ZIK1: variants seen among roughly 807,000 people sequenced by gnomAD.
ZIK1 encodes the protein zinc finger protein interacting with ribonucleoprotein K.
In ZIK1, 12 loss-of-function variants were observed where a neutral mutation model predicts 10.7. The observed-to-expected ratio is 1.12, with a 90% CI of 0.72 to 1.81. ZIK1 has a LOEUF of 1.81. Ranked by LOEUF, ZIK1 falls within the 40% of genes most tolerant of loss-of-function variation. The pLI, the probability that ZIK1 is intolerant of heterozygous loss-of-function variation, is 0.00. For missense variants in ZIK1, 497 were observed against 585.7 expected (o/e 0.85, Z 1.56); for synonymous variants, 190 against 205.0 (o/e 0.93, Z 0.63).
chr19:57,586,769 T>G (rs889338327), intron 2 of ZIK1, among the ~76,000 whole-genome samples: 1 of 152,128 alleles, frequency 6.6e-6, no homozygotes, highest in African/African-American at 2.4e-5. Flanking sequence ...TTCCAGACTT[T>G]CCCATATTTT....
Position 57,590,196 on chromosome 19 carries a change from T to C in ZIK1, c.385T>C (p.Cys129Arg), listed in dbSNP as rs1230213214. Residue 129 changes from cysteine to arginine, a missense_variant, in exon 4 of 4, where the codon TGT becomes CGT. Coordinates refer to ENST00000597850, the MANE Select transcript of ZIK1 (RefSeq NM_001010879.4). ...GCAGAAACCATACTTGGTTGGAGAATGTACAAACCATCACCAGCACCAGAA... is the reference window on the plus strand; with the variant it reads ...GCAGAAACCATACTTGGTTGGAGAACGTACAAACCATCACCAGCACCAGAA... ...PGQKPYLVGE[C>R]TNHHQHQKHH... 1.2e-6 allele frequency: 2 copies of C among 1,614,204 alleles called. No homozygotes were observed. Among genetic ancestry groups the C allele is most frequent in the Non-Finnish European group, 1.7e-6 (2 of 1,180,046 alleles).
Position 57,592,687 on chromosome 19 carries a change from G to T in ZIK1, c.*1412G>T, listed in dbSNP as rs1979801964. ...ATGGTTGCCCTTCCCCAGGCCTGAA[G>T]AGAGAGTGCAGTCAACATGAGATTG... On this transcript the variant is annotated 3_prime_UTR_variant, in exon 4 of 4. Transcript: ENST00000597850. The T allele has an allele frequency of 6.6e-6, 1 of 151,918 alleles. No individual in the cohort carries two copies. Among genetic ancestry groups the T allele is most frequent in the Admixed American group, 6.5e-5 (1 of 15,268 alleles). 9.4% of individuals were successfully genotyped at this position (151,918 alleles called of 1,614,324 possible).
chr19:57,588,514 G>T (rs1273404046), intron 2 of ZIK1, 25 bp from the exon 3 acceptor site: 5 of 1,424,604 alleles, frequency 3.5e-6, no homozygotes, highest in Non-Finnish European at 3.7e-6. Context: ...GTTGATTGTG[G>T]AGTGACCTGT....
At chr19:57,589,799 A>G in intron 3 of ZIK1, 2 of 761,466 alleles carry the variant, frequency 2.6e-6, no homozygotes, top group Non-Finnish European at 1.6e-6. Context: ...CCTGTCCTTC[A>G]TCCCATCCTT....
chr19:57,588,477 T>G, intron 2 of ZIK1, 62 bp from the exon 3 acceptor site: 1 of 1,377,122 alleles, frequency 7.3e-7, no homozygotes, highest in East Asian at 2.7e-5. Flanking sequence ...TGGGGATGAT[T>G]GCGTGGGTGG....
rs1979615980 is a variant in ZIK1, at chr19:57,590,775, C to T, written c.964C>T (p.Pro322Ser). Residue 322 changes from proline (P) to serine (S), a missense_variant, in exon 4 of 4, where the codon CCT (proline) becomes TCT (serine). Coordinates refer to ENST00000597850, the MANE Select transcript of ZIK1 (RefSeq NM_001010879.4). The stretch of plus-strand genomic sequence containing the variant: ...CCAGAAAATACACACTGGAGCAAGG[C>T]CTTATGAGTGTAGCCAGTGTGGGAA... The part of the protein sequence containing the change: ...DHQKIHTGAR[P>S]YECSQCGKSF... The T allele has an allele frequency of 1.9e-6, 3 of 1,614,176 alleles. No homozygotes were observed. Among genetic ancestry groups the T allele is most frequent in the Non-Finnish European group, 2.5e-6 (3 of 1,180,032 alleles).
chr19:57,584,197 G>A lies in ZIK1; in HGVS notation c.-160G>A. Reference sequence around the variant, plus strand: ...GTGCATCCAGACCGTCAGAGCTTTGGGAGCGCTTTGTTTGGCGACAGTCGG... The same window carrying A: ...GTGCATCCAGACCGTCAGAGCTTTGAGAGCGCTTTGTTTGGCGACAGTCGG... On this transcript the variant is annotated 5_prime_UTR_variant, in exon 1 of 4. Coordinates refer to ENST00000597850, the MANE Select transcript of ZIK1 (RefSeq NM_001010879.4). The A allele has an allele frequency of 2.9e-6, 4 of 1,359,776 alleles. No homozygotes were observed. The highest frequency in any genetic ancestry group is 5.3e-5 in the East Asian group (2 of 37,966). The allele number at this position is 1,359,776 out of a possible 1,614,324, so 84.2% of individuals were successfully genotyped here. A position where few individuals can be genotyped will look rare whatever the true frequency, so the allele number is the denominator to read the frequency against.
Position 57,590,793 on chromosome 19 carries a change from T to G in ZIK1, c.982T>G (p.Cys328Gly). ...AGCAAGGCCTTATGAGTGTAGCCAG[T>G]GTGGGAAATCCTTTAGCCAAAAAGC... ...TGARPYECSQCGKSFSQKATL... is the reference protein window; with the variant it reads ...TGARPYECSQGGKSFSQKATL... The change falls in exon 4 of 4, where the codon TGT becomes GGT. Residue 328 changes from cysteine (C) to glycine (G), a missense_variant. Coordinates refer to ENST00000597850, the MANE Select transcript of ZIK1 (RefSeq NM_001010879.4). 4.3e-6 allele frequency: 7 copies of G among 1,614,174 alleles called. No individual in the cohort carries two copies. The South Asian group carries it at 7.7e-5, about 18-fold the overall frequency.
chr19:57,590,252 G>A lies in ZIK1; in HGVS notation c.441G>A (p.Arg147=), dbSNP rs146081922. Residue 147 remains arginine (R), a synonymous_variant, in exon 4 of 4, where the codon AGG becomes AGA. Transcript: ENST00000597850. ...KHHSAKKSLK[R]DMDRASYVKC... ...ACAGTGCAAAGAAATCCTTGAAGAG[G>A]GACATGGACAGAGCCTCATATGTGA... is the stretch of plus-strand genomic sequence containing the variant. 196 of 1,614,178 alleles carry A rather than the reference G, an allele frequency of 1.2e-4. 2 individuals are homozygous for A. The South Asian group carries it at 2.1e-3, about 17-fold the overall frequency.
At position 57,584,974 on chromosome 19, in the gene ZIK1, A is replaced by AG; in HGVS notation, c.56_57insG (p.His19GlnfsTer12). 1.2e-6 allele frequency: 2 copies of AG among 1,613,890 alleles called. No individual in the cohort carries two copies. Among genetic ancestry groups the AG allele is most frequent in the Non-Finnish European group, 1.7e-6 (2 of 1,179,896 alleles). On this transcript the variant is annotated frameshift_variant, in exon 2 of 4. Coordinates refer to ENST00000597850, the MANE Select transcript of ZIK1 (RefSeq NM_001010879.4). LOFTEE classifies it high-confidence loss of function. Reference sequence around the variant, plus strand: ...CAGGTTACTGTGTCTCCAGAAACACATATGGACCTCACAAAGGTGAGTGGA... The same window carrying AG: ...CAGGTTACTGTGTCTCCAGAAACACAGTATGGACCTCACAAAGGTGAGTGGA...
In ZIK1 at chr19:57,584,328, T is replaced by C. The variant is rs1231171637; in HGVS notation, c.-29T>C. On this transcript the variant is annotated 5_prime_UTR_variant, in exon 1 of 4. Coordinates refer to ENST00000597850, the MANE Select transcript of ZIK1 (RefSeq NM_001010879.4). Reference sequence around the variant, plus strand: ...GGTCCCTCCGCCCGTAGCTGTCGGGTCCCGGCCCCGCTCTGCCCACAGACT... The same window carrying C: ...GGTCCCTCCGCCCGTAGCTGTCGGGCCCCGGCCCCGCTCTGCCCACAGACT... 1.9e-6 allele frequency: 3 copies of C among 1,573,780 alleles called. No homozygotes were observed. The highest frequency in any genetic ancestry group is 1.7e-6 in the Non-Finnish European group (2 of 1,160,038).
Position 57,590,195 on chromosome 19 carries a change from A to C in ZIK1, c.384A>C (p.Glu128Asp). ...GGCAGAAACCATACTTGGTTGGAGA[A>C]TGTACAAACCATCACCAGCACCAGA... Reference protein sequence around the residue: ...LPGQKPYLVGECTNHHQHQKH... With the variant: ...LPGQKPYLVGDCTNHHQHQKH... Residue 128 changes from glutamate (E) to aspartate (D), a missense_variant, in exon 4 of 4, where the codon GAA (glutamate) becomes GAC (aspartate). Transcript: ENST00000597850. 1 of 1,614,236 alleles carries C rather than the reference A, an allele frequency of 6.2e-7. No homozygotes were observed. The highest frequency in any genetic ancestry group is 8.5e-7 in the Non-Finnish European group (1 of 1,180,050).
At chr19:57,589,040 G>A (rs1979422802) in intron 3 of ZIK1, among the ~76,000 whole-genome samples, 1 of 151,984 alleles carries the variant, frequency 6.6e-6, no homozygotes, top group Non-Finnish European at 1.5e-5. Flanking sequence ...GGGGACAATG[G>A]GCTCTTCTTA....
Position 57,592,439 on chromosome 19 carries a change from C to T in ZIK1, c.*1164C>T, listed in dbSNP as rs1030110004. 7 of 152,146 alleles carry T rather than the reference C, an allele frequency of 4.6e-5. No individual in the cohort carries two copies. Among genetic ancestry groups the T allele is most frequent in the African/African-American group, 1.7e-4 (7 of 41,420 alleles). The allele number at this position is 152,146 out of a possible 1,614,324, so 9.4% of individuals were successfully genotyped here. On this transcript the variant is annotated 3_prime_UTR_variant, in exon 4 of 4. Transcript: ENST00000597850. ...TATGTCCAATAGCTGAGGTTATTTT[C>T]AGCAAAAATAATTAAAGGGTTTTAT...
chr19:57,590,723 T>C lies in ZIK1; in HGVS notation c.912T>C (p.Phe304=). 1 of 1,614,162 alleles carries C rather than the reference T, an allele frequency of 6.2e-7. No homozygotes were observed. Among genetic ancestry groups the C allele is most frequent in the Non-Finnish European group, 8.5e-7 (1 of 1,180,024 alleles). The part of the protein sequence containing the change: ...PYECSECGKL[F]RQNSSLVDHQ... ...AGTGCAGCGAATGTGGAAAATTATTTAGACAAAACTCCAGCCTTGTTGACC... is the reference window on the plus strand; with the variant it reads ...AGTGCAGCGAATGTGGAAAATTATTCAGACAAAACTCCAGCCTTGTTGACC... The change falls in exon 4 of 4, where the codon TTT becomes TTC. Residue 304 remains phenylalanine (F), a synonymous_variant. Coordinates refer to ENST00000597850, the MANE Select transcript of ZIK1 (RefSeq NM_001010879.4).
chr19:57,584,166 G>C lies in ZIK1; in HGVS notation c.-191G>C, dbSNP rs1568611257. ...CTTCAGTGGCGGTCATTTTTGCAGC[G>C]CTTGGGTGCATCCAGACCGTCAGAG... is the stretch of plus-strand genomic sequence containing the variant. On this transcript the variant is annotated 5_prime_UTR_variant, in exon 1 of 4. Coordinates refer to ENST00000597850, the MANE Select transcript of ZIK1 (RefSeq NM_001010879.4). 9.0e-7 allele frequency: 1 copy of C among 1,116,502 alleles called. No homozygotes were observed. 69.2% of individuals were successfully genotyped at this position (1,116,502 alleles called of 1,614,324 possible).
In ZIK1 at chr19:57,589,994, C is replaced by A. The variant is rs1326726943; in HGVS notation, c.200-17C>A. On this transcript the variant is annotated splice_polypyrimidine_tract_variant and intron_variant, in intron 3 of 3. Transcript: ENST00000597850. ...GCATAGTCAATGTATATTTCATCAG[C>A]GGTTCTCTGCTTTCAGGTTGTGGCC... 6.2e-7 allele frequency: 1 copy of A among 1,606,192 alleles called. No homozygotes were observed. The highest frequency in any genetic ancestry group is 8.5e-7 in the Non-Finnish European group (1 of 1,174,544).
rs191277394 is a variant in ZIK1, at chr19:57,584,993, G to C, written c.72+3G>C. 6.2e-7 allele frequency: 1 copy of C among 1,613,482 alleles called. No individual in the cohort carries two copies. Among genetic ancestry groups the C allele is most frequent in the East Asian group, 2.2e-5 (1 of 44,806 alleles). ...AAACACATATGGACCTCACAAAGGT[G>C]AGTGGAGGGTGTCCCAGGCCCTCAC... On this transcript the variant is annotated splice_donor_region_variant and intron_variant, in intron 2 of 3. Transcript: ENST00000597850.
intron 2 of ZIK1, 36 bp downstream of exon 2, chr19:57,585,026 G>A (rs780057972): frequency 1.9e-6 from 3 of 1,596,106 alleles, no homozygotes; most frequent in Non-Finnish European, 2.6e-6. Flanking sequence ...CACTGGTCCT[G>A]GCCCCATCCT....
Sources: gnomAD v4.1 joint callset for allele counts (sites outside exome capture counted in the v4.1 genomes callset) on GRCh38, gnomAD v4.1.1 for gene constraint, MANE v1.5 for transcripts, NCBI Gene and HGNC (gene_info 2026-07-23, HGNC 2026-07-21) for gene names.